IGFL2: variants seen among roughly 807,000 people sequenced by gnomAD.
IGFL2 encodes insulin growth factor-like family member 2.
IGFL2 carries 7 observed loss-of-function variants against 13.9 expected under a neutral mutation model. The ratio of observed to expected loss-of-function variants is 0.51; its 90% confidence interval spans 0.29 to 0.95. The LOEUF is 0.95. IGFL2 is among the 40% of genes least tolerant of loss of function. The pLI is 0.08. For missense variants in IGFL2, 138 were observed against 147.8 expected, an observed-to-expected ratio of 0.93 and a Z score of 0.34; for synonymous variants, 55 against 55.8, an observed-to-expected ratio of 0.99 and a Z score of 0.07.
At chr19:46,137,310 G>A in the IGFL2 span, 20 of 1,053,264 alleles carry the variant, frequency 1.9e-5, no homozygotes, top group Admixed American at 3.4e-5. Flanking sequence ...TATCTCCTTC[G>A]TAGGCTCATT....
the IGFL2 span, among the ~76,000 whole-genome samples, chr19:46,134,654 A>G: frequency 6.6e-6 from 1 of 152,172 alleles, no homozygotes; most frequent in African/African-American, 2.4e-5. Flanking sequence ...CACAGTTCAC[A>G]ATAGGGTTCA....
At chr19:46,194,848 ATATATT>A in the IGFL2 span, among the ~76,000 whole-genome samples, 66 of 33,932 alleles carry the variant, frequency 1.9e-3, no homozygotes, top group African/African-American at 4.9e-3. Context: ...ATATATATAT[ATATATT>A]TTTTTTTTTT....
chr19:46,166,405 A>C, the IGFL2 span, among the ~76,000 whole-genome samples: 2 of 152,196 alleles, frequency 1.3e-5, no homozygotes, highest in Admixed American at 6.5e-5. Context: ...ACAGACATCA[A>C]GTATTTAACA....
chr19:46,144,996 G>T (rs1289227501), upstream of IGFL2, among the ~76,000 whole-genome samples: 1 of 152,156 alleles, frequency 6.6e-6, no homozygotes, highest in African/African-American at 2.4e-5. Context: ...TCCATTGTGT[G>T]TGTGTACCAC....
the IGFL2 span, among the ~76,000 whole-genome samples, chr19:46,126,372 T>A: frequency 6.6e-6 from 1 of 152,222 alleles, no homozygotes; most frequent in Non-Finnish European, 1.5e-5. Flanking sequence ...TCTAAGCTGC[T>A]GACACCCATA....
chr19:46,129,307 TTGTGTGTGTG>T, the IGFL2 span, among the ~76,000 whole-genome samples: 197 of 137,062 alleles, frequency 1.4e-3, 3 homozygotes, highest in East Asian at 6.7e-3. Flanking sequence ...TGTTGATCTT[TTGTGTGTGTG>T]TGTGTGTGTG....
At chr19:46,147,440 A>C (rs891592498), upstream of IGFL2, among the ~76,000 whole-genome samples, 2 of 152,222 alleles carry the variant, frequency 1.3e-5, no homozygotes, top group Non-Finnish European at 2.9e-5. Flanking sequence ...CACTTTATCT[A>C]TTCTTATCAG....
chr19:46,192,916 A>G, the IGFL2 span, among the ~76,000 whole-genome samples: 1 of 151,542 alleles, frequency 6.6e-6, no homozygotes, highest in Non-Finnish European at 1.5e-5. Context: ...GAGGCCAGGC[A>G]TGGTGGCTCA....
the IGFL2 span, among the ~76,000 whole-genome samples, chr19:46,133,862 G>A: frequency 6.6e-6 from 1 of 152,288 alleles, no homozygotes; most frequent in Non-Finnish European, 1.5e-5. Context: ...CAATGCAATA[G>A]AAACTGACAT....
the IGFL2 span, chr19:46,212,362 C>G: frequency 6.6e-6 from 1 of 152,280 alleles, no homozygotes; most frequent in Admixed American, 6.5e-5. Flanking sequence ...TCCACACACA[C>G]AGATCTGACC....
chr19:46,206,208 T>A, the IGFL2 span, among the ~76,000 whole-genome samples: 1 of 152,194 alleles, frequency 6.6e-6, no homozygotes, highest in Middle Eastern at 3.4e-3. Flanking sequence ...TGCCCCGTCA[T>A]CATCACCCAC....
the IGFL2 span, among the ~76,000 whole-genome samples, chr19:46,089,947 C>G: frequency 6.6e-6 from 1 of 152,050 alleles, no homozygotes; most frequent in East Asian, 1.9e-4. Context: ...AGCTTTCTAC[C>G]TCTTGGTCTC....
chr19:46,116,782 C>T, the IGFL2 span, among the ~76,000 whole-genome samples: 1 of 152,166 alleles, frequency 6.6e-6, no homozygotes, highest in African/African-American at 2.4e-5. Flanking sequence ...TACCAACCTA[C>T]AGTGGTACCT....
chr19:46,109,535 C>T, the IGFL2 span, among the ~76,000 whole-genome samples: 1 of 152,078 alleles, frequency 6.6e-6, no homozygotes, highest in African/African-American at 2.4e-5. Flanking sequence ...CCAGGATGGT[C>T]TCAATCTCCT....
the IGFL2 span, among the ~76,000 whole-genome samples, chr19:46,079,896 A>G: frequency 6.6e-6 from 1 of 152,200 alleles, no homozygotes; most frequent in Admixed American, 6.5e-5. Flanking sequence ...CTGCCCATCA[A>G]GGAAGAACCC....
At position 46,161,111 on chromosome 19, in the gene IGFL2, C is replaced by A; in HGVS notation, c.*23C>A. 1 of 1,572,542 alleles carries A rather than the reference C, an allele frequency of 6.4e-7. No homozygotes were observed. The highest frequency in any genetic ancestry group is 1.8e-5 in the Admixed American group (1 of 55,054). On this transcript the variant is annotated 3_prime_UTR_variant, in exon 4 of 4. Coordinates refer to ENST00000377693, the MANE Select transcript of IGFL2 (RefSeq NM_001135113.2). ...TGAGAAGACATAGAAAGAAAATCAA[C>A]TTTCACTAAGGCATCTCAGAAACAT...
chr19:46,108,770 C>T, the IGFL2 span, among the ~76,000 whole-genome samples: 3 of 152,180 alleles, frequency 2.0e-5, no homozygotes, highest in South Asian at 6.2e-4. Context: ...TGATTAAACA[C>T]CAACGGAAGA....
the IGFL2 span, among the ~76,000 whole-genome samples, chr19:46,194,850 ATATTTTTTTTTTTT>A: frequency 3.6e-4 from 13 of 35,618 alleles, no homozygotes; most frequent in South Asian, 9.1e-3. Flanking sequence ...ATATATATAT[ATATTTTTTTTTTTT>A]TTTTTTTTTT....
chr19:46,182,673 GTCAGC>G, the IGFL2 span, among the ~76,000 whole-genome samples: 3 of 152,146 alleles, frequency 2.0e-5, no homozygotes, highest in Non-Finnish European at 4.4e-5. Flanking sequence ...CGATGCACGT[GTCAGC>G]CACGGTGTTG....
Sources: gnomAD v4.1 joint callset for allele counts (sites outside exome capture counted in the v4.1 genomes callset) on GRCh38, gnomAD v4.1.1 for gene constraint, MANE v1.5 for transcripts, NCBI Gene and HGNC (gene_info 2026-07-23, HGNC 2026-07-21) for gene names.